The following DGKH variants were observed in gnomAD, a reference collection of about 807,000 sequenced individuals.
DGKH encodes diacylglycerol kinase eta, also known as DAG kinase eta.
In DGKH, 90 loss-of-function variants were observed where a neutral mutation model predicts 159.3. That is an observed-to-expected ratio of 0.57 (90% CI 0.48 to 0.67). DGKH has a LOEUF of 0.67. Ranked by LOEUF, DGKH falls within the 30% of genes least tolerant of loss-of-function variation. The pLI, the probability that DGKH is intolerant of heterozygous loss-of-function variation, is 0.00. For synonymous variants in DGKH, 536 were observed against 553.8 expected, an observed-to-expected ratio of 0.97 and a Z score of 0.45; for missense variants, 1,181 against 1,506.1, an observed-to-expected ratio of 0.78 and a Z score of 3.57.
chr13:42,061,180 G>C (rs572554414), intron 1 of DGKH, among the ~76,000 whole-genome samples: 1 of 152,294 alleles, frequency 6.6e-6, no homozygotes, highest in South Asian at 2.1e-4. Flanking sequence ...CAGGTATGAT[G>C]TTTATATAGC....
intron 1 of DGKH, among the ~76,000 whole-genome samples, chr13:42,110,376 C>T (rs796552318): frequency 3.3e-5 from 5 of 152,222 alleles, no homozygotes; most frequent in African/African-American, 9.6e-5. Flanking sequence ...CTACTTTGCA[C>T]ATTAGTTATT....
intron 21 of DGKH, among the ~76,000 whole-genome samples, chr13:42,208,042 A>T (rs1251554567): frequency 1.3e-5 from 2 of 152,154 alleles, no homozygotes; most frequent in African/African-American, 4.8e-5. Flanking sequence ...ATGTTCTAAG[A>T]GCTTCACATT....
chr13:42,221,105 GA>G, intron 28 of DGKH, 158 bp from the exon 29 acceptor site: 1 of 925,546 alleles, frequency 1.1e-6, no homozygotes, highest in Non-Finnish European at 1.6e-6. Flanking sequence ...ACTTGCATGG[GA>G]AAAAGTGGAA....
intron 13 of DGKH, among the ~76,000 whole-genome samples, chr13:42,186,842 A>C (rs539158456): frequency 6.6e-6 from 1 of 152,350 alleles, no homozygotes; most frequent in South Asian, 2.1e-4. Flanking sequence ...AATATACAGC[A>C]AGGCTTATTC....
At chr13:42,245,422 A>G (rs78108096), downstream of DGKH, among the ~76,000 whole-genome samples, 1,132 of 152,338 alleles carry the variant, frequency 7.4e-3, 13 homozygotes, top group African/African-American at 0.025. Flanking sequence ...TCAGAGGACC[A>G]GATCATCTTG....
intron 1 of DGKH, among the ~76,000 whole-genome samples, chr13:42,078,221 C>T (rs1954135082): frequency 6.6e-6 from 1 of 152,176 alleles, no homozygotes; most frequent in Admixed American, 6.5e-5. Context: ...GGATTTAATT[C>T]AGGGAATTGC....
chr13:42,255,280 GA>G (rs1958649685), intron 30 of DGKH, among the ~76,000 whole-genome samples: 2 of 151,846 alleles, frequency 1.3e-5, no homozygotes, highest in African/African-American at 2.4e-5. Context: ...AATGAATGGA[GA>G]TTTTTTTTAA....
At chr13:42,135,357 AGCATCGTGGT>A (rs1241323486) in intron 3 of DGKH, among the ~76,000 whole-genome samples, 1 of 146,558 alleles carries the variant, frequency 6.8e-6, no homozygotes, top group African/African-American at 2.4e-5. Context: ...AAATTAACTG[AGCATCGTGGT>A]GCATGCCTGT....
intron 14 of DGKH, among the ~76,000 whole-genome samples, chr13:42,188,689 A>T (rs930183692): frequency 4.6e-5 from 7 of 152,246 alleles, no homozygotes; most frequent in Admixed American, 1.3e-4. Flanking sequence ...AATATTATAA[A>T]GATGTTTTTC....
intron 1 of DGKH, among the ~76,000 whole-genome samples, chr13:42,121,097 C>T (rs529673175): frequency 0.015 from 1,399 of 90,794 alleles, 18 homozygotes; most frequent in African/African-American, 0.047. Flanking sequence ...ACACAACATG[C>T]GCACACACAC....
chr13:42,091,712 TCAAA>T (rs1954421976), intron 1 of DGKH, among the ~76,000 whole-genome samples: 1 of 152,118 alleles, frequency 6.6e-6, no homozygotes. Flanking sequence ...TGGAAGGAAC[TCAAA>T]CAACTCAATA....
intron 1 of DGKH, among the ~76,000 whole-genome samples, chr13:42,102,086 G>A (rs995936289): frequency 2.0e-5 from 3 of 152,230 alleles, no homozygotes; most frequent in Non-Finnish European, 4.4e-5. Context: ...AAGAGATCAA[G>A]GCCGGGGCTG....
intron 2 of DGKH, among the ~76,000 whole-genome samples, chr13:42,129,020 T>G (rs1955232070): frequency 6.6e-6 from 1 of 152,206 alleles, no homozygotes; most frequent in Non-Finnish European, 1.5e-5. Flanking sequence ...ACCTTGGATG[T>G]TAAGAGTATA....
Position 42,135,819 on chromosome 13 carries a change from C to T in DGKH, c.384+6187C>T, listed in dbSNP as rs997517546. On this transcript the variant is annotated intron_variant, in intron 3 of 29. Coordinates refer to ENST00000337343, the MANE Select transcript of DGKH (RefSeq NM_178009.5). ...CCTGATGTTTAATCTAAGGCTCTTT[C>T]CAATCAGACAGAGTCCTTTCTATCT... is the stretch of plus-strand genomic sequence containing the variant. Among the ~76,000 whole-genome samples the T allele has an allele frequency of 1.8e-4, 28 of 152,170 alleles. 1 individual carries two copies. The highest frequency in any genetic ancestry group is 6.8e-4 in the African/African-American group (28 of 41,446).
rs145801670 is a variant in DGKH, at chr13:42,110,074, A to T, written c.193-17389A>T. 2.3e-3 allele frequency among the ~76,000 whole-genome samples: 351 copies of T among 152,338 alleles called. 3 individuals are homozygous for T. Among genetic ancestry groups the T allele is most frequent in the African/African-American group, 8.2e-3 (340 of 41,578 alleles). ...TCAGATATTCTTTGGGGAAAGAACT[A>T]GAGAATTTCAGAGGCAGATTATTGA... On this transcript the variant is annotated intron_variant, in intron 1 of 29. Transcript: ENST00000337343.
At position 42,173,985 on chromosome 13, in the gene DGKH, G is replaced by A. The variant is rs986960172; in HGVS notation, c.1368-75G>A. 1.2e-4 allele frequency: 116 copies of A among 948,090 alleles called. 1 individual carries two copies. The highest frequency in any genetic ancestry group is 4.2e-4 in the Middle Eastern group (2 of 4,772). The allele number at this position is 948,090 out of a possible 1,614,324, so 58.7% of individuals were successfully genotyped here. ...CGTGCGTGTGTGTGTGTGTGTGTGCGCGTTTATGAGATGCTAACAGTTAGT... is the reference window on the plus strand; with the variant it reads ...CGTGCGTGTGTGTGTGTGTGTGTGCACGTTTATGAGATGCTAACAGTTAGT... On this transcript the variant is annotated intron_variant, in intron 11 of 29. Transcript: ENST00000337343.
At chr13:42,078,375 C>T (rs1954138597) in intron 1 of DGKH, among the ~76,000 whole-genome samples, 1 of 152,178 alleles carries the variant, frequency 6.6e-6, no homozygotes, top group African/African-American at 2.4e-5. Flanking sequence ...TGTCTCATAC[C>T]TACAGGGCTG....
intron 5 of DGKH, among the ~76,000 whole-genome samples, chr13:42,158,095 T>A (rs1205914522): frequency 6.6e-6 from 1 of 152,220 alleles, no homozygotes; most frequent in Non-Finnish European, 1.5e-5. Context: ...CAGCTCAGTT[T>A]AACCATCCAT....
intron 1 of DGKH, among the ~76,000 whole-genome samples, chr13:42,087,486 A>G (rs1481164326): frequency 7.2e-5 from 11 of 152,188 alleles, no homozygotes; most frequent in African/African-American, 2.4e-4. Context: ...AATGAAAGGG[A>G]TGATAGAATT....
Sources: gnomAD v4.1 joint callset for allele counts (sites outside exome capture counted in the v4.1 genomes callset) on GRCh38, gnomAD v4.1.1 for gene constraint, MANE v1.5 for transcripts, NCBI Gene and HGNC (gene_info 2026-07-23, HGNC 2026-07-21) for gene names.